Variants in CYLC2 observed in about 807,000 individuals in gnomAD.
The protein encoded by CYLC2 is cylicin-2.
In CYLC2, 30 loss-of-function variants were observed where a neutral mutation model predicts 26.1. That is an observed-to-expected ratio of 1.15 (90% confidence interval 0.86 to 1.56). The LOEUF (loss-of-function observed/expected upper bound fraction) is 1.56. Among genes scored for constraint, CYLC2 ranks in the 40% most tolerant of loss-of-function variants. The pLI, the probability that CYLC2 is intolerant of heterozygous loss-of-function variation, is 0.00. For missense variants in CYLC2, 498 were observed against 394.4 expected (o/e 1.26, Z -2.23); for synonymous variants, 158 against 132.8 (o/e 1.19, Z -1.31).
At chr9:102,999,770 G>A (rs554406004) in intron 1 of CYLC2, among the ~76,000 whole-genome samples, 26 of 151,758 alleles carry the variant, frequency 1.7e-4, no homozygotes, top group African/African-American at 6.0e-4. Context: ...TGATTGCATT[G>A]GTTGATTTTA....
Position 103,001,553 on chromosome 9 carries a change from AAACCT to A in CYLC2, c.18-24_18-20del. 1 of 1,451,488 alleles carries A rather than the reference AAACCT, an allele frequency of 6.9e-7. No individual in the cohort carries two copies. The highest frequency in any genetic ancestry group is 1.8e-5 in the Admixed American group (1 of 54,634). 89.9% of individuals were successfully genotyped at this position (1,451,488 alleles called of 1,614,324 possible). ...CAGTGATTTTTATATAAATTAACTAAAACCTTTCTTTTTTGTTTTAATAGCCAAAG... is the reference window on the plus strand; with the variant it reads ...CAGTGATTTTTATATAAATTAACTAATTCTTTTTTGTTTTAATAGCCAAAG... On this transcript the variant is annotated intron_variant, in intron 1 of 7. Coordinates refer to ENST00000374798, the MANE Select transcript of CYLC2 (RefSeq NM_001340.5).
intron 6 of CYLC2, among the ~76,000 whole-genome samples, chr9:103,014,400 G>T (rs1382761556): frequency 9.8e-6 from 1 of 101,980 alleles, no homozygotes; most frequent in African/African-American, 3.5e-5. Context: ...ATAACATAAT[G>T]TATGTTACGT....
intron 5 of CYLC2, among the ~76,000 whole-genome samples, chr9:103,011,419 C>T (rs1012065129): frequency 6.6e-6 from 1 of 151,990 alleles, no homozygotes; most frequent in African/African-American, 2.4e-5. Flanking sequence ...GGCTAAGTAA[C>T]TTACTGAATT....
chr9:103,012,741 T>A (rs566312479), intron 6 of CYLC2, among the ~76,000 whole-genome samples: 24 of 152,034 alleles, frequency 1.6e-4, no homozygotes, highest in Middle Eastern at 3.4e-3. Context: ...ATATGTTCAA[T>A]AATCAATTTT....
chr9:103,003,370 A>C (rs1829308403), intron 3 of CYLC2, 107 bp downstream of exon 3: 1 of 999,038 alleles, frequency 1.0e-6, no homozygotes, highest in Non-Finnish European at 1.4e-6. Context: ...ACTAAGTAGT[A>C]AGCTTGTGAA....
At chr9:103,011,439 T>C (rs1023086856) in intron 5 of CYLC2, among the ~76,000 whole-genome samples, 3 of 152,086 alleles carry the variant, frequency 2.0e-5, no homozygotes, top group Non-Finnish European at 4.4e-5. Flanking sequence ...TTTGGTACTT[T>C]AGGTTGAGGA....
chr9:103,015,620 G>A (rs1829496463), intron 6 of CYLC2, among the ~76,000 whole-genome samples: 3 of 146,532 alleles, frequency 2.0e-5, no homozygotes, highest in Non-Finnish European at 4.5e-5. Context: ...TTTAAAGTAT[G>A]TCTCTTGAGT....
chr9:103,015,281 TATATA>T (rs202047676), intron 6 of CYLC2, among the ~76,000 whole-genome samples: 23,535 of 120,464 alleles, frequency 0.2, 2,836 homozygotes, highest in Non-Finnish European at 0.25. Flanking sequence ...ATTTATATAT[TATATA>T]ATATAATTAT....
intron 1 of CYLC2, among the ~76,000 whole-genome samples, chr9:102,997,197 A>T (rs1564095755): frequency 6.6e-6 from 1 of 151,862 alleles, no homozygotes; most frequent in Non-Finnish European, 1.5e-5. Context: ...ATAGAGGATT[A>T]GTAGGTGCTG....
chr9:103,013,187 T>G (rs1379636542), intron 6 of CYLC2, among the ~76,000 whole-genome samples: 2 of 124,904 alleles, frequency 1.6e-5, no homozygotes, highest in African/African-American at 2.8e-5. Flanking sequence ...TTTAATATAT[T>G]ATATATAACA....
At chr9:103,007,289 T>C (rs1411319384) in intron 5 of CYLC2, among the ~76,000 whole-genome samples, 1 of 152,114 alleles carries the variant, frequency 6.6e-6, no homozygotes, top group Non-Finnish European at 1.5e-5. Flanking sequence ...TGATAGATGA[T>C]ATTATTACCA....
chr9:103,014,567 T>C (rs1383167987), intron 6 of CYLC2, among the ~76,000 whole-genome samples: 1 of 143,420 alleles, frequency 7.0e-6, no homozygotes, highest in Non-Finnish European at 1.5e-5. Context: ...ACATCATATG[T>C]ATATTATGCA....
chr9:102,995,862 C>G (rs1056541932), intron 1 of CYLC2, among the ~76,000 whole-genome samples: 13 of 151,900 alleles, frequency 8.6e-5, no homozygotes, highest in African/African-American at 2.7e-4. Context: ...ATGTGACCAA[C>G]TGAATACTAG....
chr9:103,001,641 T>C, intron 2 of CYLC2, 23 bp downstream of exon 2: 1 of 1,477,140 alleles, frequency 6.8e-7, no homozygotes, highest in Non-Finnish European at 9.4e-7. Flanking sequence ...TCAATATTTA[T>C]TACAAAACAG....
rs151273472 is a variant in CYLC2 at position 103,005,363 on chromosome 9, T to A, written c.732T>A (p.Asp244Glu). ...CTGTAAAAGCAGATGAAAAGAAGGA[T>A]GAGGATGGAAAAAAAGATGCAAACA... ...LQAVKADEKK[D>E]EDGKKDANKG... is the part of the protein sequence containing the mutation. The change falls in exon 5 of 8, where the codon GAT becomes GAA. Residue 244 changes from aspartate to glutamate, a missense_variant. By Grantham distance (45) the Asp-to-Glu change is conservative. Coordinates refer to ENST00000374798, the MANE Select transcript of CYLC2 (RefSeq NM_001340.5). 3.4e-4 allele frequency: 554 copies of A among 1,612,708 alleles called. 2 individuals carry two copies. The highest frequency in any genetic ancestry group is 4.3e-4 in the Non-Finnish European group (513 of 1,179,732).
At chr9:103,008,060 T>G (rs1350678878) in intron 5 of CYLC2, among the ~76,000 whole-genome samples, 2 of 151,200 alleles carry the variant, frequency 1.3e-5, no homozygotes, top group African/African-American at 4.9e-5. Flanking sequence ...CCTCTGCATA[T>G]AGTAAAATTA....
At chr9:103,015,263 A>G (rs1181962832) in intron 6 of CYLC2, among the ~76,000 whole-genome samples, 1 of 123,558 alleles carries the variant, frequency 8.1e-6, no homozygotes, top group Non-Finnish European at 1.6e-5. Context: ...TATATATTAT[A>G]TACATATATT....
chr9:103,001,512 T>C, intron 1 of CYLC2, 66 bp from the exon 2 acceptor site: 1 of 963,974 alleles, frequency 1.0e-6, no homozygotes, highest in African/African-American at 1.7e-5. Flanking sequence ...TGGAGTAAAA[T>C]AATGACAGTT....
rs767942362 is a variant in CYLC2, at chr9:102,995,343, T to TA, written c.-37dup. On this transcript the variant is annotated 5_prime_UTR_variant, in exon 1 of 8. Transcript: ENST00000374798. ...CCTTTCAACATCACCAGTTTGAACT[T>TA]ACAATACTTAAGTCCTGGCAAGTCA... The TA allele has an allele frequency of 1.5e-5, 23 of 1,569,958 alleles. No homozygotes were observed. The highest frequency in any genetic ancestry group is 3.3e-4 in the Middle Eastern group (2 of 5,996).
Sources: gnomAD v4.1 joint callset for allele counts (sites outside exome capture counted in the v4.1 genomes callset) on GRCh38, gnomAD v4.1.1 for gene constraint, MANE v1.5 for transcripts, NCBI Gene and HGNC (gene_info 2026-07-23, HGNC 2026-07-21) for gene names.